The following LRIG2 variants were observed in gnomAD, a reference collection of about 807,000 sequenced individuals.
LRIG2 encodes the protein leucine rich repeats and immunoglobulin like domains 2, also known as leucine-rich repeats and immunoglobulin-like domains protein 2.
In LRIG2, 93 loss-of-function variants were observed where a neutral mutation model predicts 107.8. The ratio of observed to expected loss-of-function variants is 0.86; its 90% CI spans 0.73 to 1.03. The LOEUF (loss-of-function observed/expected upper bound fraction) is 1.03, where lower values mean the gene tolerates loss of function less well. Ranked by LOEUF, LRIG2 falls within the 50% of genes least tolerant of loss-of-function variation. The pLI is 0.00. For synonymous variants in LRIG2, 471 were observed against 470.6 expected, an observed-to-expected ratio of 1.00 and a Z score of -0.01; for missense variants, 1,226 against 1,296.0, an observed-to-expected ratio of 0.95 and a Z score of 0.83.
At chr1:113,079,959 A>G (rs1489014997) in intron 1 of LRIG2, among the ~76,000 whole-genome samples, 1 of 147,600 alleles carries the variant, frequency 6.8e-6, no homozygotes, top group Admixed American at 6.9e-5. Flanking sequence ...CAAACTCCTT[A>G]CCTCGTGATC....
At chr1:113,091,204 A>C in intron 1 of LRIG2, 114 bp from the exon 2 acceptor site, 1 of 595,254 alleles carries the variant, frequency 1.7e-6, no homozygotes, top group Middle Eastern at 4.8e-4. Flanking sequence ...GATTACAGGC[A>C]TGAGCCACTG....
At position 113,073,320 on chromosome 1, in the gene LRIG2, C is replaced by T; in HGVS notation, c.-87C>T. 1 of 1,086,930 alleles carries T rather than the reference C, an allele frequency of 9.2e-7. No individual in the cohort carries two copies. Among genetic ancestry groups the T allele is most frequent in the Non-Finnish European group, 1.4e-6 (1 of 721,702 alleles). 67.3% of individuals were successfully genotyped at this position (1,086,930 alleles called of 1,614,324 possible). A position where few individuals can be genotyped will look rare whatever the true frequency, so the allele number is the denominator to read the frequency against. ...GCCGGGGCTTCGGGAGACAGTGCAG[C>T]CACCGAGCATCTCTGCTGAGCTTCT... On this transcript the variant is annotated 5_prime_UTR_variant, in exon 1 of 18. Coordinates refer to ENST00000361127, the MANE Select transcript of LRIG2 (RefSeq NM_014813.3).
chr1:113,123,537 G>GCA (rs1655351630), intron 17 of LRIG2, among the ~76,000 whole-genome samples: 1 of 152,186 alleles, frequency 6.6e-6, no homozygotes, highest in Non-Finnish European at 1.5e-5. Context: ...TGACGCCATT[G>GCA]CACTCCAGCC....
At chr1:113,123,045 G>A (rs1362419025) in intron 17 of LRIG2, among the ~76,000 whole-genome samples, 1 of 152,176 alleles carries the variant, frequency 6.6e-6, no homozygotes, top group African/African-American at 2.4e-5. Context: ...TTTGAAACCA[G>A]TGTGCAGATA....
intron 1 of LRIG2, among the ~76,000 whole-genome samples, chr1:113,079,806 A>G (rs1653175189): frequency 6.7e-6 from 1 of 149,164 alleles, no homozygotes; most frequent in Non-Finnish European, 1.5e-5. Flanking sequence ...GAGTGGCACA[A>G]TCTCGGCTCA....
intron 17 of LRIG2, among the ~76,000 whole-genome samples, chr1:113,120,456 A>T (rs1471391630): frequency 6.6e-6 from 1 of 151,762 alleles, no homozygotes; most frequent in Non-Finnish European, 1.5e-5. Flanking sequence ...TCCAAAAAAT[A>T]GTAATAATAA....
intron 1 of LRIG2, among the ~76,000 whole-genome samples, chr1:113,075,692 C>CT (rs34293194): frequency 0.85 from 100,502 of 117,688 alleles, 44,506 homozygotes; most frequent in Non-Finnish European, 0.95. Flanking sequence ...GTGGCCTATA[C>CT]TTTTTTTTTT....
rs745554336 is a variant in LRIG2, at chr1:113,098,706, G to C, written c.1093G>C (p.Asp365His). The stretch of plus-strand genomic sequence containing the variant: ...TGTCTTTCTCTGACATTTTTGTAGA[G>C]ACTTAAGAAACAATGAAATTTCATG... ...FRFLSNLQTL[D>H]LRNNEISWAI... Residue 365 changes from aspartate to histidine, a missense_variant and splice_region_variant, in exon 9 of 18, where the codon GAC becomes CAC. By Grantham distance (81) the Asp-to-His change is moderately conservative. Transcript: ENST00000361127. The C allele has an allele frequency of 3.1e-5, 49 of 1,606,294 alleles. No individual in the cohort carries two copies. Among genetic ancestry groups the C allele is most frequent in the Non-Finnish European group, 5.1e-6 (6 of 1,173,208 alleles).
chr1:113,111,391 G>A (rs552808927), intron 13 of LRIG2, among the ~76,000 whole-genome samples: 19 of 152,158 alleles, frequency 1.2e-4, no homozygotes, highest in Non-Finnish European at 2.2e-4. Flanking sequence ...ATGAATTATA[G>A]TGGTGCATTC....
rs1655146850 is a variant in LRIG2 at position 113,119,360 on chromosome 1, C to T, written c.2808C>T (p.Ser936=). ...EEDVLDQTLS[S]LMVQMPKETY... ...ACGTTCTTGATCAGACACTGTCCAG[C>T]CTCATGGTCCAAATGCCTAAAGAGA... is the stretch of plus-strand genomic sequence containing the variant. The change falls in exon 17 of 18, where the codon AGC becomes AGT. Residue 936 remains serine, a synonymous_variant. Coordinates refer to ENST00000361127, the MANE Select transcript of LRIG2 (RefSeq NM_014813.3). The T allele has an allele frequency of 1.2e-6, 2 of 1,613,906 alleles. No individual in the cohort carries two copies. Among genetic ancestry groups the T allele is most frequent in the Non-Finnish European group, 1.7e-6 (2 of 1,180,016 alleles).
intron 11 of LRIG2, chr1:113,103,340 G>A (rs1654384864): frequency 6.6e-6 from 1 of 152,148 alleles, no homozygotes; most frequent in Non-Finnish European, 1.5e-5. Context: ...AATCCTGTTA[G>A]GGTTTAGCCA....
chr1:113,096,920 C>A (rs1553228372), intron 8 of LRIG2, among the ~76,000 whole-genome samples: 1 of 152,124 alleles, frequency 6.6e-6, no homozygotes, highest in South Asian at 2.1e-4. Context: ...TTCTCTAAGT[C>A]ACATAGCTTG....
rs1294670892 is a variant in LRIG2 at position 113,125,780 on chromosome 1, G to A, written c.*1679G>A. The A allele has an allele frequency of 1.3e-5, 2 of 152,156 alleles. No individual in the cohort carries two copies. Among genetic ancestry groups the A allele is most frequent in the African/African-American group, 4.8e-5 (2 of 41,436 alleles). 9.4% of individuals were successfully genotyped at this position (152,156 alleles called of 1,614,324 possible). On this transcript the variant is annotated 3_prime_UTR_variant, in exon 18 of 18. Coordinates refer to ENST00000361127, the MANE Select transcript of LRIG2 (RefSeq NM_014813.3). Reference sequence around the variant, plus strand: ...ATTTGAGTCTGCAAATCTTGTCATTGTCTGCTTTAATGCTCTTTGAGTTGC... The same window carrying A: ...ATTTGAGTCTGCAAATCTTGTCATTATCTGCTTTAATGCTCTTTGAGTTGC...
intron 14 of LRIG2, among the ~76,000 whole-genome samples, chr1:113,113,462 ATTATTAT>A (rs1654859969): frequency 2.0e-5 from 3 of 148,246 alleles, no homozygotes; most frequent in African/African-American, 7.3e-5. Context: ...GTCAGTTATT[ATTATTAT>A]TTTTTTTAAG....
chr1:113,120,819 G>GT (rs945726017), intron 17 of LRIG2, among the ~76,000 whole-genome samples: 218 of 139,836 alleles, frequency 1.6e-3, no homozygotes, highest in Middle Eastern at 3.9e-3. Context: ...CTACTGAGAA[G>GT]TTTTTTTTTT....
In LRIG2 at chr1:113,114,591, CA is replaced by C; in HGVS notation, c.2246del (p.Gln749ArgfsTer6). 6.2e-7 allele frequency: 1 copy of C among 1,614,092 alleles called. No homozygotes were observed. Among genetic ancestry groups the C allele is most frequent in the Non-Finnish European group, 8.5e-7 (1 of 1,180,012 alleles). ...ACGACATTTCTTTGCTGCAGCCAAT[CA>C]GCTTCTCATCATTGTAGATGCCGGG... ...TERHFFAAAN[Q>X]LLIIVDAGLE... On this transcript the variant is annotated frameshift_variant, in exon 15 of 18. Transcript: ENST00000361127. LOFTEE classifies it high-confidence loss of function.
At position 113,124,323 on chromosome 1, in the gene LRIG2, C is replaced by T. The variant is rs990763394; in HGVS notation, c.*222C>T. On this transcript the variant is annotated 3_prime_UTR_variant, in exon 18 of 18. Transcript: ENST00000361127. ...TACAGCTCATCAAAAATGTGCAGCA[C>T]CGGCAGAGGGAAGATACGGGGCAAA... 71 of 573,876 alleles carry T rather than the reference C, an allele frequency of 1.2e-4. No individual in the cohort carries two copies. The Middle Eastern group carries it at 1.4e-3, about 11-fold the overall frequency. The allele number at this position is 573,876 out of a possible 1,614,324, so 35.5% of individuals were successfully genotyped here. A position where few individuals can be genotyped will look rare whatever the true frequency, so the allele number is the denominator to read the frequency against.
chr1:113,079,456 G>T (rs1053234098), intron 1 of LRIG2, among the ~76,000 whole-genome samples: 3 of 151,568 alleles, frequency 2.0e-5, no homozygotes, highest in African/African-American at 7.3e-5. Context: ...AGGCAGAGGC[G>T]GGTACATCAC....
chr1:113,094,765 C>A lies in LRIG2; in HGVS notation c.803+10C>A. On this transcript the variant is annotated intron_variant, in intron 6 of 17. Coordinates refer to ENST00000361127, the MANE Select transcript of LRIG2 (RefSeq NM_014813.3). ...ATAACATGGAAGAACTGTAAGTACT[C>A]GGGACTAGAGGTGATTATTAGGAAA... is the stretch of plus-strand genomic sequence containing the variant. 6.2e-7 allele frequency: 1 copy of A among 1,612,578 alleles called. No individual in the cohort carries two copies. The highest frequency in any genetic ancestry group is 8.5e-7 in the Non-Finnish European group (1 of 1,179,174).
Sources: gnomAD v4.1 joint callset for allele counts (sites outside exome capture counted in the v4.1 genomes callset) on GRCh38, gnomAD v4.1.1 for gene constraint, MANE v1.5 for transcripts, NCBI Gene and HGNC (gene_info 2026-07-23, HGNC 2026-07-21) for gene names.